TAF4B: variants seen among roughly 807,000 people sequenced by gnomAD.
TAF4B encodes transcription initiation factor TFIID subunit 4B.
A neutral mutation model predicts 86.4 loss-of-function variants in TAF4B; 38 were observed. The observed-to-expected ratio is 0.44, with a 90% CI of 0.34 to 0.58. The LOEUF is 0.58. Among genes scored for constraint, TAF4B ranks in the 20% least tolerant of loss-of-function variants. TAF4B has a pLI of 0.02. For missense variants in TAF4B, 988 were observed against 1,027.6 expected (o/e 0.96, Z 0.53); for synonymous variants, 388 against 391.2 (o/e 0.99, Z 0.10).
intron 8 of TAF4B, among the ~76,000 whole-genome samples, 164 bp downstream of exon 8, chr18:26,292,545 G>A (rs970637358): frequency 3.9e-5 from 6 of 152,052 alleles, no homozygotes; most frequent in African/African-American, 1.4e-4. Context: ...CTCCCCAGAC[G>A]GAGTCTTGCT....
intron 1 of TAF4B, among the ~76,000 whole-genome samples, chr18:26,263,930 A>G (rs984075459): frequency 2.6e-5 from 4 of 152,232 alleles, no homozygotes; most frequent in South Asian, 2.1e-4. Flanking sequence ...TTTTACTTTT[A>G]TATTCTTAAT....
intron 13 of TAF4B, among the ~76,000 whole-genome samples, chr18:26,346,773 A>ATATATATATGTG (rs1404902479): frequency 8.3e-5 from 2 of 24,116 alleles, no homozygotes; most frequent in African/African-American, 2.2e-4. Flanking sequence ...ATATATATAT[A>ATATATATATGTG]TGTGTGTGTA....
chr18:26,286,620 ATT>A (rs34204451), intron 7 of TAF4B, 121 bp downstream of exon 7: 86,948 of 747,516 alleles, frequency 0.12, 2 homozygotes, highest in East Asian at 0.25. Context: ...TGACCAATTA[ATT>A]TTTTTTTTTT....
intron 1 of TAF4B, among the ~76,000 whole-genome samples, chr18:26,238,731 C>G (rs78807235): frequency 0.074 from 11,245 of 151,996 alleles, 1,305 homozygotes; most frequent in African/African-American, 0.25. Context: ...TAATGCTGTC[C>G]GTCCCCCTTC....
chr18:26,253,122 T>C (rs1195308214), intron 1 of TAF4B, among the ~76,000 whole-genome samples: 1 of 152,218 alleles, frequency 6.6e-6, no homozygotes, highest in Non-Finnish European at 1.5e-5. Flanking sequence ...GTAGGCATCC[T>C]TGTCTCATCC....
chr18:26,285,222 G>GTTTTTGTTTCTTTTTTTTTT, intron 6 of TAF4B, among the ~76,000 whole-genome samples: 1 of 45,660 alleles, frequency 2.2e-5, no homozygotes, highest in Non-Finnish European at 4.5e-5. Flanking sequence ...TTTTTTTTTT[G>GTTTTTGTTTCTTTTTTTTTT]TTTTTTTTTT....
rs2055580052 is a variant in TAF4B, at chr18:26,226,728, C to G, written c.-206C>G. ...TGTCGCTCCGGGGGCAGCCCAGGCTCGCGCGGACGAGAGGAAGGTCCGGGA... is the reference window on the plus strand; with the variant it reads ...TGTCGCTCCGGGGGCAGCCCAGGCTGGCGCGGACGAGAGGAAGGTCCGGGA... On this transcript the variant is annotated 5_prime_UTR_variant, in exon 1 of 15. Coordinates refer to ENST00000269142, the MANE Select transcript of TAF4B (RefSeq NM_005640.3). The G allele has an allele frequency of 4.6e-6, 2 of 433,184 alleles. No individual in the cohort carries two copies. Among genetic ancestry groups the G allele is most frequent in the East Asian group, 7.3e-5 (2 of 27,446 alleles). The allele number at this position is 433,184 out of a possible 1,614,324, so 26.8% of individuals were successfully genotyped here. A position where few individuals can be genotyped will look rare whatever the true frequency, so the allele number is the denominator to read the frequency against.
chr18:26,285,222 G>GTTTTTTTTTGTTTTTT (rs2056500985), intron 6 of TAF4B, among the ~76,000 whole-genome samples: 1 of 45,660 alleles, frequency 2.2e-5, no homozygotes, highest in Admixed American at 3.1e-4. Context: ...TTTTTTTTTT[G>GTTTTTTTTTGTTTTTT]TTTTTTTTTT....
chr18:26,233,659 A>G (rs1458221719), intron 1 of TAF4B, among the ~76,000 whole-genome samples: 1 of 152,180 alleles, frequency 6.6e-6, no homozygotes, highest in African/African-American at 2.4e-5. Context: ...AGGGCTGTGT[A>G]TGGGCTTTTC....
At position 26,286,445 on chromosome 18, in the gene TAF4B, C is replaced by T. The variant is rs765916876; in HGVS notation, c.1536C>T (p.Gly512=). The T allele has an allele frequency of 2.5e-5, 41 of 1,613,900 alleles. No homozygotes were observed. Among genetic ancestry groups the T allele is most frequent in the Non-Finnish European group, 3.1e-5 (37 of 1,180,000 alleles). The change falls in exon 7 of 15, where the codon GGC becomes GGT. Residue 512 remains glycine (G), a synonymous_variant. Coordinates refer to ENST00000269142, the MANE Select transcript of TAF4B (RefSeq NM_005640.3). The part of the protein sequence containing the change: ...TPVQIKLAQP[G]PVLSQPAGIP... The stretch of plus-strand genomic sequence containing the variant: ...TTCAAATCAAACTTGCCCAGCCGGG[C>T]CCTGTCCTTTCACAACCAGCTGGGA...
intron 1 of TAF4B, among the ~76,000 whole-genome samples, chr18:26,251,657 T>C (rs949718084): frequency 1.3e-5 from 2 of 152,344 alleles, no homozygotes; most frequent in South Asian, 2.1e-4. Context: ...GCCATTCTTT[T>C]ATGATTGGAA....
intron 11 of TAF4B, among the ~76,000 whole-genome samples, chr18:26,326,773 C>A (rs1169143478): frequency 6.6e-6 from 1 of 152,132 alleles, no homozygotes; most frequent in African/African-American, 2.4e-5. Flanking sequence ...TGTTTACTAG[C>A]AAAGTTCTTT....
At chr18:26,303,058 ACCCG>A (rs2056754565) in intron 9 of TAF4B, among the ~76,000 whole-genome samples, 1 of 87,420 alleles carries the variant, frequency 1.1e-5, no homozygotes, top group African/African-American at 4.0e-5. Context: ...CCACTTTCAT[ACCCG>A]CTCCACTTTC....
At chr18:26,293,125 A>T (rs1003197521) in intron 8 of TAF4B, among the ~76,000 whole-genome samples, 4 of 152,168 alleles carry the variant, frequency 2.6e-5, no homozygotes, top group African/African-American at 7.2e-5. Flanking sequence ...ATGTATTTTT[A>T]AAAAATACCA....
At chr18:26,231,590 T>G (rs1282454032) in intron 1 of TAF4B, among the ~76,000 whole-genome samples, 1 of 151,924 alleles carries the variant, frequency 6.6e-6, no homozygotes, top group East Asian at 1.9e-4. Context: ...TGGCCTCAAG[T>G]GATCTGCTGA....
intron 14 of TAF4B, among the ~76,000 whole-genome samples, chr18:26,373,577 A>G (rs553475104): frequency 6.6e-6 from 1 of 152,336 alleles, no homozygotes; most frequent in South Asian, 2.1e-4. Context: ...AAAGTGAACT[A>G]GTTTACATTC....
intron 13 of TAF4B, among the ~76,000 whole-genome samples, chr18:26,341,424 G>A (rs888100970): frequency 1.3e-5 from 2 of 151,964 alleles, no homozygotes; most frequent in African/African-American, 4.8e-5. Flanking sequence ...AGAAAAAAGA[G>A]TGTAAGGATG....
At chr18:26,247,142 G>C (rs1307539365) in intron 1 of TAF4B, among the ~76,000 whole-genome samples, 2 of 152,154 alleles carry the variant, frequency 1.3e-5, no homozygotes, top group Non-Finnish European at 2.9e-5. Context: ...TGGGATTACA[G>C]GCGTGAGCCA....
intron 14 of TAF4B, among the ~76,000 whole-genome samples, chr18:26,369,559 T>G (rs768260476): frequency 5.3e-5 from 8 of 152,328 alleles, no homozygotes; most frequent in Middle Eastern, 3.4e-3. Context: ...TGCAGCCATA[T>G]TCTTTTGCTT....
Sources: gnomAD v4.1 joint callset for allele counts (sites outside exome capture counted in the v4.1 genomes callset) on GRCh38, gnomAD v4.1.1 for gene constraint, MANE v1.5 for transcripts, NCBI Gene and HGNC (gene_info 2026-07-23, HGNC 2026-07-21) for gene names.